Variants in HK1 observed in about 807,000 individuals in gnomAD.
HK1 encodes hexokinase 1.
HK1 carries 28 observed loss-of-function variants against 91.6 expected under a neutral mutation model. The ratio of observed to expected loss-of-function variants is 0.31; its 90% CI spans 0.23 to 0.42. The LOEUF (loss-of-function observed/expected upper bound fraction) is 0.42. Ranked by LOEUF, HK1 falls within the 10% of genes least tolerant of loss-of-function variation. HK1 has a pLI of 1.00. For missense variants in HK1, 770 were observed against 1,219.8 expected (o/e 0.63, Z 5.49); for synonymous variants, 430 against 468.1 (o/e 0.92, Z 1.05).
Position 69,389,250 on chromosome 10 carries a change from G to A in HK1, c.1989G>A (p.Met663Ile). 1 of 1,613,904 alleles carries A rather than the reference G, an allele frequency of 6.2e-7. No homozygotes were observed. Among genetic ancestry groups the A allele is most frequent in the East Asian group, 2.2e-5 (1 of 44,868 alleles). ...AVVNDTVGTM[M>I]TCAYEEPTCE... ...TCAACGACACAGTGGGCACCATGAT[G>A]ACCTGTGCTTATGAGGAGCCCACCT... Residue 663 changes from methionine to isoleucine, a missense_variant, in exon 14 of 18, where the codon ATG becomes ATA. By Grantham distance (10) the Met-to-Ile change is conservative. Transcript: ENST00000359426.
At chr10:69,334,626 C>T (rs1242764276) in intron 1 of HK1, among the ~76,000 whole-genome samples, 1 of 152,242 alleles carries the variant, frequency 6.6e-6, no homozygotes, top group African/African-American at 2.4e-5. Context: ...TACTGGAGGC[C>T]TCCCGCCCAG....
At chr10:69,277,656 C>T (rs1844534490) in intron 1 of HK1, among the ~76,000 whole-genome samples, 1 of 152,014 alleles carries the variant, frequency 6.6e-6, no homozygotes, top group African/African-American at 2.4e-5. Context: ...AAAGGCTTTC[C>T]CACTCTCCAT....
At chr10:69,359,852 C>T (rs1849324482) in intron 2 of HK1, 45 bp from the exon 3 acceptor site, 1 of 1,601,902 alleles carries the variant, frequency 6.2e-7, no homozygotes, top group South Asian at 1.1e-5. Flanking sequence ...GTGGCTTCCC[C>T]TTAACATTTG....
At chr10:69,398,942 G>A (rs1357731742) in intron 17 of HK1, 114 bp downstream of exon 17, 5 of 746,232 alleles carry the variant, frequency 6.7e-6, no homozygotes, top group Admixed American at 4.4e-5. Flanking sequence ...CAGCCAGGCT[G>A]AAGGCTGTGC....
At chr10:69,344,774 A>G (rs1389809499) in intron 2 of HK1, among the ~76,000 whole-genome samples, 1 of 152,104 alleles carries the variant, frequency 6.6e-6, no homozygotes, top group African/African-American at 2.4e-5. Flanking sequence ...ACCCGCAGTT[A>G]CTAGTTTGTG....
chr10:69,300,030 G>A (rs1398383553), intron 4 of HK1, among the ~76,000 whole-genome samples: 2 of 151,068 alleles, frequency 1.3e-5, no homozygotes, highest in Non-Finnish European at 2.9e-5. Flanking sequence ...GAACTCCTGA[G>A]CTCAAGCAAT....
chr10:69,338,306 CAGGCAAGAGTCTG>C (rs1415063399), intron 1 of HK1: 1 of 1,178,550 alleles, frequency 8.5e-7, no homozygotes, highest in Non-Finnish European at 1.1e-6. Flanking sequence ...TGCGGGTTCT[CAGGCAAGAGTCTG>C]AGGGACCCAG....
At chr10:69,334,396 T>A (rs1320038962) in intron 1 of HK1, among the ~76,000 whole-genome samples, 1 of 152,182 alleles carries the variant, frequency 6.6e-6, no homozygotes, top group East Asian at 1.9e-4. Context: ...AGCTTGAATA[T>A]GGGAGTGGGA....
chr10:69,275,448 G>A (rs1459191995), intron 1 of HK1, among the ~76,000 whole-genome samples: 1 of 151,228 alleles, frequency 6.6e-6, no homozygotes, highest in Non-Finnish European at 1.5e-5. Context: ...TTTTAAATTT[G>A]ATCATTTTGT....
chr10:69,275,832 G>A (rs574286858), intron 1 of HK1, among the ~76,000 whole-genome samples: 2 of 151,994 alleles, frequency 1.3e-5, no homozygotes, highest in Non-Finnish European at 2.9e-5. Context: ...GCTCATGCCT[G>A]TAATCCCAGC....
At chr10:69,274,455 G>A (rs1336262828) in intron 1 of HK1, among the ~76,000 whole-genome samples, 1 of 151,996 alleles carries the variant, frequency 6.6e-6, no homozygotes, top group Admixed American at 6.6e-5. Context: ...AAAAGTAGCT[G>A]GGCATGGTGT....
At chr10:69,330,391 T>C (rs1289201108) in intron 1 of HK1, among the ~76,000 whole-genome samples, 1 of 151,842 alleles carries the variant, frequency 6.6e-6, no homozygotes, top group East Asian at 1.9e-4. Flanking sequence ...ATCTTACATA[T>C]GGGGCAGGTG....
intron 1 of HK1, among the ~76,000 whole-genome samples, chr10:69,320,545 C>T (rs556430892): frequency 3.4e-4 from 52 of 152,260 alleles, no homozygotes; most frequent in Admixed American, 2.8e-3. Flanking sequence ...TGGTGTTGTG[C>T]ATCACTGATG....
At chr10:69,280,375 C>T (rs1844682207) in intron 1 of HK1, among the ~76,000 whole-genome samples, 2 of 152,228 alleles carry the variant, frequency 1.3e-5, no homozygotes, top group African/African-American at 4.8e-5. Flanking sequence ...CCTCGGCCTC[C>T]CAAAGTGCTG....
intron 2 of HK1, among the ~76,000 whole-genome samples, chr10:69,284,992 T>C (rs1203539478): frequency 1.3e-5 from 2 of 151,932 alleles, no homozygotes; most frequent in Non-Finnish European, 2.9e-5. Flanking sequence ...AATTTTTTTG[T>C]ATTTTTAGTA....
At chr10:69,318,222 C>G (rs567304720), upstream of HK1, 1 of 985,448 alleles carries the variant, frequency 1.0e-6, no homozygotes, top group Admixed American at 6.1e-5. Context: ...GATGCACTGC[C>G]GCTGAAGACC....
rs1839500506 is a variant in HK1, at chr10:69,383,682, A to T, written c.1571-651A>T. Among the ~76,000 whole-genome samples the T allele has an allele frequency of 2.6e-5, 4 of 152,238 alleles. No individual in the cohort carries two copies. In the South Asian group the frequency reaches 8.3e-4, roughly 31 times the overall value. The stretch of plus-strand genomic sequence containing the variant: ...GAGTCAGCTGGGAGGCAGATCTCAG[A>T]CGCCCTTCCCCACATGTCCAGCAGT... On this transcript the variant is annotated intron_variant, in intron 10 of 17. Transcript: ENST00000359426.
At chr10:69,353,618 CAAAA>C (rs71471542) in intron 2 of HK1, among the ~76,000 whole-genome samples, 283 of 116,726 alleles carry the variant, frequency 2.4e-3, no homozygotes, top group African/African-American at 5.3e-3. Context: ...CAAACAAAAC[CAAAA>C]AAAAAAAAAA....
intron 17 of HK1, among the ~76,000 whole-genome samples, chr10:69,399,313 C>T (rs1199109579): frequency 6.6e-6 from 1 of 152,074 alleles, no homozygotes; most frequent in African/African-American, 2.4e-5. Context: ...AGTTTGAGAC[C>T]AGCCTAGGCA....
Sources: gnomAD v4.1 joint callset for allele counts (sites outside exome capture counted in the v4.1 genomes callset) on GRCh38, gnomAD v4.1.1 for gene constraint, MANE v1.5 for transcripts, NCBI Gene and HGNC (gene_info 2026-07-23, HGNC 2026-07-21) for gene names.